Variants in ZNF469 observed in about 807,000 individuals in gnomAD.
ZNF469 encodes the protein zinc finger protein 469.
A neutral mutation model predicts 1.0 loss-of-function variants in ZNF469; 1 was observed. The observed-to-expected ratio is 1.00, with a 90% CI of 0.35 to 4.73. ZNF469 has a LOEUF of 4.73. Ranked by LOEUF, ZNF469 falls within the 30% of genes most tolerant of loss-of-function variation. The pLI, the probability that ZNF469 is intolerant of heterozygous loss-of-function variation, is 0.16. For missense variants in ZNF469, 6,100 were observed against 5,356.3 expected (o/e 1.14, Z -4.33); for synonymous variants, 2,703 against 2,363.4 (o/e 1.14, Z -4.17).
At chr16:88,234,243 G>T in the ZNF469 span, among the ~76,000 whole-genome samples, 2 of 152,222 alleles carry the variant, frequency 1.3e-5, no homozygotes, top group East Asian at 3.8e-4. Flanking sequence ...AGCTTAGCAT[G>T]CAGGCACGTG....
At chr16:88,368,144 A>C in the ZNF469 span, among the ~76,000 whole-genome samples, 1 of 152,254 alleles carries the variant, frequency 6.6e-6, no homozygotes, top group Non-Finnish European at 1.5e-5. Context: ...CTCAGCTGAC[A>C]CTGGGCCTCA....
At chr16:88,122,159 G>A in the ZNF469 span, among the ~76,000 whole-genome samples, 214 of 141,016 alleles carry the variant, frequency 1.5e-3, 1 homozygote, top group African/African-American at 5.1e-3. Context: ...CCCGTCACTC[G>A]GTATGGCCAC....
At chr16:88,230,891 CAGCGGGAGCTGT>C in the ZNF469 span, among the ~76,000 whole-genome samples, 1 of 149,186 alleles carries the variant, frequency 6.7e-6, no homozygotes, top group South Asian at 2.1e-4. Flanking sequence ...CGGGCTCTCA[CAGCGGGAGCTGT>C]CAGCATGCTG....
chr16:88,249,591 C>A, the ZNF469 span, among the ~76,000 whole-genome samples: 3 of 151,878 alleles, frequency 2.0e-5, no homozygotes, highest in Non-Finnish European at 4.4e-5. Context: ...TGCCTGCCAC[C>A]ACGCCGGGCC....
At chr16:88,143,269 C>T in the ZNF469 span, among the ~76,000 whole-genome samples, 13 of 152,382 alleles carry the variant, frequency 8.5e-5, no homozygotes, top group African/African-American at 2.9e-4. Flanking sequence ...GCAGTTCCAA[C>T]CTGTTCAACA....
chr16:88,265,537 G>T, the ZNF469 span, among the ~76,000 whole-genome samples: 1 of 152,196 alleles, frequency 6.6e-6, no homozygotes, highest in Non-Finnish European at 1.5e-5. Flanking sequence ...TATCCGGCGG[G>T]GCCGGGTGCG....
At chr16:88,237,200 G>A in the ZNF469 span, among the ~76,000 whole-genome samples, 1 of 18,768 alleles carries the variant, frequency 5.3e-5, no homozygotes, top group Non-Finnish European at 1.1e-4. Context: ...CCTGCCCTCT[G>A]TGCTCCTGCC....
upstream of ZNF469, among the ~76,000 whole-genome samples, chr16:88,379,342 C>A (rs958303529): frequency 6.6e-6 from 1 of 152,156 alleles, no homozygotes; most frequent in African/African-American, 2.4e-5. Context: ...CACCCGGGAG[C>A]CTTCCAGCTC....
chr16:88,282,597 C>A, the ZNF469 span, among the ~76,000 whole-genome samples: 1 of 152,138 alleles, frequency 6.6e-6, no homozygotes, highest in Non-Finnish European at 1.5e-5. Flanking sequence ...TGGGGGATGT[C>A]GCCAGACTCC....
At chr16:88,372,880 C>T in the ZNF469 span, among the ~76,000 whole-genome samples, 1 of 152,146 alleles carries the variant, frequency 6.6e-6, no homozygotes, top group Admixed American at 6.5e-5. Flanking sequence ...CCATCTTCAC[C>T]ATCATCACCA....
At chr16:88,358,363 T>C in the ZNF469 span, among the ~76,000 whole-genome samples, 87,563 of 152,136 alleles carry the variant, frequency 0.58, 27,688 homozygotes, top group African/African-American at 0.85. Flanking sequence ...AGTGTCATGA[T>C]GCGAGACCTC....
Position 88,438,117 on chromosome 16 carries a change from G to A in ZNF469, c.10647G>A (p.Glu3549=). 1.9e-6 allele frequency: 3 copies of A among 1,550,430 alleles called. No homozygotes were observed. Among genetic ancestry groups the A allele is most frequent in the Non-Finnish European group, 2.6e-6 (3 of 1,146,970 alleles). Residue 3549 remains glutamate, a synonymous_variant, in exon 3 of 3, where the codon GAG becomes GAA. Transcript: ENST00000565624. ...GTGAGCTGCCATCCAACCACCAGGA[G>A]TGTCCCCCGCCGTCTCTGTCTCCCT... The part of the protein sequence containing the change: ...RGCELPSNHQ[E]CPPPSLSPFP...
the ZNF469 span, among the ~76,000 whole-genome samples, chr16:88,101,729 G>A: frequency 6.6e-6 from 1 of 152,094 alleles, no homozygotes; most frequent in Non-Finnish European, 1.5e-5. Flanking sequence ...CCTTTCATTT[G>A]AACACGTTTC....
chr16:88,239,214 C>G, the ZNF469 span, among the ~76,000 whole-genome samples: 1 of 152,010 alleles, frequency 6.6e-6, no homozygotes, highest in Non-Finnish European at 1.5e-5. Context: ...TTCTACTGGT[C>G]CTACTCGTTT....
At chr16:88,175,368 C>T in the ZNF469 span, among the ~76,000 whole-genome samples, 1 of 152,192 alleles carries the variant, frequency 6.6e-6, no homozygotes, top group Non-Finnish European at 1.5e-5. Context: ...ACTTAATTGG[C>T]ACTTACAGAA....
chr16:88,163,773 A>G, the ZNF469 span, among the ~76,000 whole-genome samples: 21 of 151,778 alleles, frequency 1.4e-4, no homozygotes, highest in Non-Finnish European at 2.6e-4. Context: ...GGATCGGTGG[A>G]TAGATGCCTG....
chr16:88,260,717 G>A, the ZNF469 span, among the ~76,000 whole-genome samples: 1 of 152,156 alleles, frequency 6.6e-6, no homozygotes, highest in Non-Finnish European at 1.5e-5. This position sits in a 1 kb window ranked among gnomAD's most constrained non-coding sequence, Gnocchi z 4.1. Context: ...ACTGGCCCCA[G>A]AGATATCAGA....
At chr16:88,153,996 T>G in the ZNF469 span, among the ~76,000 whole-genome samples, 5 of 140,682 alleles carry the variant, frequency 3.6e-5, no homozygotes, top group Admixed American at 6.9e-5. Flanking sequence ...TGGGGCCTAA[T>G]TAAGCCTCAA....
chr16:88,190,456 G>A, the ZNF469 span, among the ~76,000 whole-genome samples: 1 of 152,274 alleles, frequency 6.6e-6, no homozygotes, highest in African/African-American at 2.4e-5. Context: ...AACTAGTGGA[G>A]GTTTGTGTTC....
Sources: gnomAD v4.1 joint callset for allele counts (sites outside exome capture counted in the v4.1 genomes callset) on GRCh38, gnomAD v4.1.1 for gene constraint, Gnocchi (gnomAD v3.1) non-coding constraint, MANE v1.5 for transcripts, NCBI Gene and HGNC (gene_info 2026-07-23, HGNC 2026-07-21) for gene names.